Variants in CNIH3 observed in about 807,000 individuals in gnomAD.
CNIH3 encodes the protein cornichon family AMPA receptor auxiliary protein 3.
Under a neutral mutation model 24.1 loss-of-function variants are expected in CNIH3, and 14 were observed. The ratio of observed to expected loss-of-function variants is 0.58; its 90% CI spans 0.38 to 0.91. CNIH3 has a LOEUF of 0.91. CNIH3 is among the 40% of genes least tolerant of loss of function. The pLI is 0.00. For synonymous variants in CNIH3, 68 were observed against 73.8 expected (o/e 0.92, Z 0.40); for missense variants, 178 against 196.8 (o/e 0.90, Z 0.57).
chr1:224,611,037 T>C (rs940209029), intron 3 of CNIH3, among the ~76,000 whole-genome samples: 3 of 152,196 alleles, frequency 2.0e-5, no homozygotes, highest in African/African-American at 7.2e-5. Flanking sequence ...TCCTTTGCCT[T>C]TCTATTTCAT....
At chr1:224,603,893 T>C (rs765086028) in intron 3 of CNIH3, among the ~76,000 whole-genome samples, 7 of 152,236 alleles carry the variant, frequency 4.6e-5, no homozygotes, top group South Asian at 4.1e-4. Context: ...TATCCACAGT[T>C]GGTTGTCTCT....
At chr1:224,681,294 G>A (rs1686389747) in intron 2 of CNIH3, among the ~76,000 whole-genome samples, 1 of 152,136 alleles carries the variant, frequency 6.6e-6, no homozygotes, top group Admixed American at 6.5e-5. Flanking sequence ...TCAAAGCCTG[G>A]TGCTCTTGTG....
At chr1:224,476,943 A>G (rs1042866216) in intron 1 of CNIH3, among the ~76,000 whole-genome samples, 5 of 152,194 alleles carry the variant, frequency 3.3e-5, no homozygotes, top group Admixed American at 1.3e-4. Flanking sequence ...ACAGGTTGCT[A>G]GGGAACTGGG....
At chr1:224,610,596 T>C (rs941146895) in intron 3 of CNIH3, among the ~76,000 whole-genome samples, 3 of 152,218 alleles carry the variant, frequency 2.0e-5, no homozygotes, top group Non-Finnish European at 2.9e-5. Context: ...CTTTCCTTTA[T>C]AAATTACCCA....
At chr1:224,616,300 G>A (rs1480116781), upstream of CNIH3, 2 of 224,446 alleles carry the variant, frequency 8.9e-6, no homozygotes, top group South Asian at 1.6e-4. Flanking sequence ...ATCCCGGGTC[G>A]CACCGCTACA....
upstream of CNIH3, among the ~76,000 whole-genome samples, chr1:224,512,589 T>C (rs191163602): frequency 6.6e-6 from 1 of 152,382 alleles, no homozygotes; most frequent in East Asian, 1.9e-4. Flanking sequence ...TAACAATTTT[T>C]ATTTGCATTT....
At chr1:224,689,508 C>G (rs1375319948) in intron 3 of CNIH3, among the ~76,000 whole-genome samples, 1 of 152,184 alleles carries the variant, frequency 6.6e-6, no homozygotes, top group African/African-American at 2.4e-5. Flanking sequence ...CGGCCTGGGC[C>G]TCCTCCCTCC....
At chr1:224,661,905 C>G (rs1187516044) in intron 1 of CNIH3, 2 of 161,980 alleles carry the variant, frequency 1.2e-5, no homozygotes, top group Non-Finnish European at 2.7e-5. Flanking sequence ...ATTATTGGAA[C>G]AGGTCGGAGG....
intron 1 of CNIH3, among the ~76,000 whole-genome samples, chr1:224,444,663 T>C (rs1400858510): frequency 1.5e-4 from 23 of 151,554 alleles, no homozygotes; most frequent in Admixed American, 1.5e-3. Context: ...CTTTTTTTTT[T>C]AGACGGAATC....
chr1:224,511,681 C>A (rs1572389019), upstream of CNIH3, among the ~76,000 whole-genome samples: 1 of 151,326 alleles, frequency 6.6e-6, no homozygotes, highest in African/African-American at 2.4e-5. Context: ...TAGCGAGACT[C>A]CTTGCCTATA....
intron 3 of CNIH3, among the ~76,000 whole-genome samples, chr1:224,694,564 G>T (rs1458785430): frequency 6.6e-6 from 1 of 152,054 alleles, no homozygotes; most frequent in Non-Finnish European, 1.5e-5. Flanking sequence ...TTTCTGTGAG[G>T]GTGTATTTTT....
intron 1 of CNIH3, among the ~76,000 whole-genome samples, chr1:224,517,820 T>G (rs1435147440): frequency 6.6e-6 from 1 of 152,204 alleles, no homozygotes; most frequent in Non-Finnish European, 1.5e-5. Context: ...TCTTGTCTTT[T>G]TTATTTCTGA....
At chr1:224,443,658 TATATATAG>T (rs1052744615) in intron 1 of CNIH3, among the ~76,000 whole-genome samples, 20 of 142,812 alleles carry the variant, frequency 1.4e-4, no homozygotes, top group Non-Finnish European at 2.4e-4. Flanking sequence ...TGCCCAATTA[TATATATAG>T]ATAGATAGAT....
In CNIH3 at chr1:224,734,725, T is replaced by C. The variant is rs1159336064; in HGVS notation, c.455+19T>C. ...TTTACTGGTGAGTATCTGCCCCTCC[T>C]GGTGGTTTTGACTCCTGCAGCAAAA... On this transcript the variant is annotated intron_variant, in intron 5 of 5. Coordinates refer to ENST00000272133, the MANE Select transcript of CNIH3 (RefSeq NM_152495.2). 6.2e-7 allele frequency: 1 copy of C among 1,612,662 alleles called. No homozygotes were observed. Among genetic ancestry groups the C allele is most frequent in the African/African-American group, 1.3e-5 (1 of 75,020 alleles).
In CNIH3 at chr1:224,637,265, T is replaced by A. The variant is rs1283292536; in HGVS notation, c.81+20010T>A. 2.0e-5 allele frequency among the ~76,000 whole-genome samples: 3 copies of A among 152,150 alleles called. No homozygotes were observed. In the East Asian group the frequency reaches 5.8e-4, roughly 29 times the overall value. Reference sequence around the variant, plus strand: ...ACCACGCCCAGCGAGAGATGCTTTCTTTACTTGTGAGCAGATATTTCCATC... The same window carrying A: ...ACCACGCCCAGCGAGAGATGCTTTCATTACTTGTGAGCAGATATTTCCATC... On this transcript the variant is annotated intron_variant, in intron 1 of 5. Coordinates refer to ENST00000272133, the MANE Select transcript of CNIH3 (RefSeq NM_152495.2).
chr1:224,642,235 GT>G (rs993213309), intron 1 of CNIH3, among the ~76,000 whole-genome samples: 2 of 151,776 alleles, frequency 1.3e-5, no homozygotes, highest in African/African-American at 4.8e-5. Context: ...TGCAGATACT[GT>G]TTTTTTTCCT....
At chr1:224,706,297 C>T (rs1687805751) in intron 3 of CNIH3, among the ~76,000 whole-genome samples, 2 of 152,158 alleles carry the variant, frequency 1.3e-5, no homozygotes, top group Non-Finnish European at 2.9e-5. Flanking sequence ...CCAGGAATGG[C>T]TCTTGATTCC....
chr1:224,537,056 C>A (rs1157050998), downstream of CNIH3: 2 of 152,162 alleles, frequency 1.3e-5, no homozygotes, highest in African/African-American at 2.4e-5. Context: ...CTGGGAACTG[C>A]ATCAGGCAAA....
At chr1:224,677,436 G>A (rs376586541) in intron 1 of CNIH3, among the ~76,000 whole-genome samples, 2 of 152,224 alleles carry the variant, frequency 1.3e-5, no homozygotes, top group Non-Finnish European at 2.9e-5. Context: ...AATGTTAGGT[G>A]AATGGATGGA....
Sources: gnomAD v4.1 joint callset for allele counts (sites outside exome capture counted in the v4.1 genomes callset) on GRCh38, gnomAD v4.1.1 for gene constraint, MANE v1.5 for transcripts, NCBI Gene and HGNC (gene_info 2026-07-23, HGNC 2026-07-21) for gene names.